NKAIN2: variants seen among roughly 807,000 people sequenced by gnomAD.
NKAIN2 encodes sodium/potassium transporting ATPase interacting 2.
A neutral mutation model predicts 32.6 loss-of-function variants in NKAIN2; 14 were observed. The ratio of observed to expected loss-of-function variants is 0.43; its 90% CI spans 0.28 to 0.67. The LOEUF (loss-of-function observed/expected upper bound fraction) is 0.67, where lower values mean the gene tolerates loss of function less well. Among genes scored for constraint, NKAIN2 ranks in the 30% least tolerant of loss-of-function variants. The probability of loss-of-function intolerance (pLI) is 0.17; values close to 1 mark genes in which losing one functional copy is unlikely to be tolerated. For missense variants in NKAIN2, 198 were observed against 258.3 expected (o/e 0.77, Z 1.60); for synonymous variants, 80 against 87.2 (o/e 0.92, Z 0.46).
chr6:124,179,045 A>G (rs1789305542), intron 1 of NKAIN2, among the ~76,000 whole-genome samples: 1 of 152,216 alleles, frequency 6.6e-6, no homozygotes, highest in African/African-American at 2.4e-5. Context: ...AGGTACTACA[A>G]CTCGATTAAA....
At chr6:124,804,429 T>G (rs1215583050) in intron 5 of NKAIN2, 1 of 796,908 alleles carries the variant, frequency 1.3e-6, no homozygotes, top group Non-Finnish European at 1.5e-6. Context: ...TATGATACTA[T>G]TATAGCTATT....
At position 124,179,443 on chromosome 6, in the gene NKAIN2, T is replaced by A. The variant is rs151023793; in HGVS notation, c.55-103562T>A. Among the ~76,000 whole-genome samples, 1,208 of 152,358 alleles carry A rather than the reference T, an allele frequency of 7.9e-3. 16 individuals are homozygous for A. Among genetic ancestry groups the A allele is most frequent in the South Asian group, 0.041 (198 of 4,826 alleles). The stretch of plus-strand genomic sequence containing the variant: ...AAAGTGTTATATAGCACTTGTTTTA[T>A]GTTGTAGGATCAAATAATGTAAACA... On this transcript the variant is annotated intron_variant, in intron 1 of 6. Transcript: ENST00000368417.
chr6:123,952,593 AT>A (rs1777380403), intron 1 of NKAIN2, among the ~76,000 whole-genome samples: 1 of 152,026 alleles, frequency 6.6e-6, no homozygotes, highest in Non-Finnish European at 1.5e-5. Context: ...ATTCTTTTTA[AT>A]TTGTATCTGC....
chr6:123,813,963 G>A (rs1445948028), intron 1 of NKAIN2, among the ~76,000 whole-genome samples: 2 of 151,622 alleles, frequency 1.3e-5, no homozygotes, highest in Admixed American at 1.3e-4. Flanking sequence ...GCAATGTATA[G>A]GATTATGTGT....
At chr6:124,054,099 A>G (rs1582544523) in intron 1 of NKAIN2, among the ~76,000 whole-genome samples, 1 of 152,100 alleles carries the variant, frequency 6.6e-6, no homozygotes, top group Non-Finnish European at 1.5e-5. Context: ...GAAAAGTCAT[A>G]GTGAGAGTCA....
chr6:124,348,088 G>T (rs901449495), intron 2 of NKAIN2, among the ~76,000 whole-genome samples: 1 of 152,170 alleles, frequency 6.6e-6, no homozygotes, highest in Non-Finnish European at 1.5e-5. Flanking sequence ...GTTGGAGTTT[G>T]CTAGAGGTCC....
At chr6:124,704,757 G>C (rs1312100677) in intron 4 of NKAIN2, among the ~76,000 whole-genome samples, 3 of 151,796 alleles carry the variant, frequency 2.0e-5, no homozygotes, top group Non-Finnish European at 4.4e-5. Context: ...TTCATTATCT[G>C]AAAATCTACT....
chr6:124,423,794 C>G (rs762180554), intron 3 of NKAIN2, among the ~76,000 whole-genome samples: 1 of 152,134 alleles, frequency 6.6e-6, no homozygotes, highest in Non-Finnish European at 1.5e-5. Flanking sequence ...GCAGCACTCA[C>G]CAGACACTGA....
intron 1 of NKAIN2, among the ~76,000 whole-genome samples, chr6:124,043,942 A>C (rs1035273678): frequency 2.0e-5 from 3 of 152,070 alleles, no homozygotes; most frequent in African/African-American, 7.2e-5. Context: ...GTGTATTGCA[A>C]AAGGTAGGAA....
At chr6:124,224,075 T>A (rs141215235) in intron 1 of NKAIN2, among the ~76,000 whole-genome samples, 55 of 152,316 alleles carry the variant, frequency 3.6e-4, no homozygotes, top group South Asian at 2.5e-3. Flanking sequence ...AAGAACAAGA[T>A]GACAACTGAT....
chr6:124,062,541 A>G (rs1240586240), intron 1 of NKAIN2, among the ~76,000 whole-genome samples: 1 of 151,968 alleles, frequency 6.6e-6, no homozygotes, highest in Non-Finnish European at 1.5e-5. Context: ...TGATCCTCCC[A>G]CCTTAGCTTC....
intron 4 of NKAIN2, among the ~76,000 whole-genome samples, chr6:124,750,119 A>G (rs1231778257): frequency 2.6e-5 from 4 of 152,080 alleles, no homozygotes; most frequent in African/African-American, 9.6e-5. Flanking sequence ...TGGGATTATT[A>G]AAACCTACTT....
At chr6:124,223,813 G>C (rs1037765961) in intron 1 of NKAIN2, among the ~76,000 whole-genome samples, 12 of 152,106 alleles carry the variant, frequency 7.9e-5, no homozygotes, top group African/African-American at 2.7e-4. Flanking sequence ...CTGCCTACTT[G>C]AGATAGTTAC....
chr6:124,398,145 CGGGAGGCTGA>C (rs1773469264), intron 3 of NKAIN2, among the ~76,000 whole-genome samples: 1 of 147,184 alleles, frequency 6.8e-6, no homozygotes, highest in South Asian at 2.2e-4. Flanking sequence ...CCCAGCTACT[CGGGAGGCTGA>C]GGCAGGAGAA....
intron 3 of NKAIN2, among the ~76,000 whole-genome samples, chr6:124,444,253 C>T (rs928074851): frequency 6.6e-6 from 1 of 151,962 alleles, no homozygotes; most frequent in Non-Finnish European, 1.5e-5. Flanking sequence ...CAAATTCTAT[C>T]TTATAAAAAT....
At chr6:123,946,650 C>T (rs1288176176) in intron 1 of NKAIN2, among the ~76,000 whole-genome samples, 1 of 152,172 alleles carries the variant, frequency 6.6e-6, no homozygotes, top group East Asian at 1.9e-4. Flanking sequence ...GCTACCTCTA[C>T]AGAACAAGAT....
intron 2 of NKAIN2, among the ~76,000 whole-genome samples, chr6:124,300,143 C>T (rs1187686076): frequency 6.6e-6 from 1 of 152,162 alleles, no homozygotes; most frequent in Non-Finnish European, 1.5e-5. Context: ...ACCCAAATCT[C>T]ATCTTGAATT....
intron 1 of NKAIN2, among the ~76,000 whole-genome samples, chr6:124,018,445 A>G (rs80348617): frequency 0.024 from 3,625 of 152,212 alleles, 144 homozygotes; most frequent in African/African-American, 0.083. Context: ...AATTTCTCCT[A>G]TTGCATCCTC....
At chr6:124,686,010 G>A (rs1309589032) in intron 4 of NKAIN2, among the ~76,000 whole-genome samples, 1 of 152,158 alleles carries the variant, frequency 6.6e-6, no homozygotes, top group Non-Finnish European at 1.5e-5. Context: ...CTTGGCTGGG[G>A]AAGGATTAAA....
Sources: allele counts gnomAD v4.1 joint callset (sites outside exome capture counted in the v4.1 genomes callset), GRCh38; gene constraint gnomAD v4.1.1; transcripts MANE v1.5; gene names NCBI Gene and HGNC (gene_info 2026-07-23, HGNC 2026-07-21).